NINL: variants seen among roughly 807,000 people sequenced by gnomAD.
The protein encoded by NINL is ninein-like protein.
A neutral mutation model predicts 160.3 loss-of-function variants in NINL; 153 were observed. The ratio of observed to expected loss-of-function variants is 0.95; its 90% CI spans 0.84 to 1.09. The LOEUF (loss-of-function observed/expected upper bound fraction) is 1.09, where lower values mean the gene tolerates loss of function less well. Ranked by LOEUF, NINL falls within the 50% of genes least tolerant of loss-of-function variation. NINL has a pLI of 0.00. For missense variants in NINL, 1,829 were observed against 1,764.0 expected (o/e 1.04, Z -0.66); for synonymous variants, 800 against 734.8 (o/e 1.09, Z -1.43).
intron 1 of NINL, among the ~76,000 whole-genome samples, chr20:25,561,116 C>G (rs367684247): frequency 6.6e-6 from 1 of 150,702 alleles, no homozygotes; most frequent in Non-Finnish European, 1.5e-5. Context: ...GCTGCCATCT[C>G]GGCTCACTGC....
Position 25,500,781 on chromosome 20 carries a change from C to T in NINL, c.1032+59G>A, listed in dbSNP as rs139000286. The T allele has an allele frequency of 2.9e-3, 4,488 of 1,569,292 alleles. 6 individuals carry two copies. Among genetic ancestry groups the T allele is most frequent in the Non-Finnish European group, 3.0e-3 (3,486 of 1,154,336 alleles). On this transcript the variant is annotated intron_variant, in intron 8 of 23. Coordinates refer to ENST00000278886, the MANE Select transcript of NINL (RefSeq NM_025176.6). ...CTTGGGACGCTCCATCCATCCTCCT[C>T]TGCAGCAGACGGGCCCCCCAGGTCC...
At chr20:25,486,617 A>G (rs1441229883) in intron 13 of NINL, among the ~76,000 whole-genome samples, 1 of 119,464 alleles carries the variant, frequency 8.4e-6, no homozygotes, top group African/African-American at 3.2e-5. Flanking sequence ...ACCGCTCATC[A>G]CACATAGGAT....
At chr20:25,534,549 G>A (rs1045901514) in intron 1 of NINL, among the ~76,000 whole-genome samples, 2 of 152,164 alleles carry the variant, frequency 1.3e-5, no homozygotes, top group African/African-American at 2.4e-5. Flanking sequence ...AAGCAGGTTC[G>A]TGTACTGAAC....
chr20:25,485,178 AAGCAGAACTCGGCC>A (rs2063483068), intron 13 of NINL, among the ~76,000 whole-genome samples: 1 of 152,224 alleles, frequency 6.6e-6, no homozygotes, highest in Non-Finnish European at 1.5e-5. Flanking sequence ...GCACTGAGGG[AAGCAGAACTCGGCC>A]AGCAGGTAAC....
chr20:25,481,903 TG>T, intron 14 of NINL, 64 bp downstream of exon 14: 1 of 1,558,846 alleles, frequency 6.4e-7, no homozygotes, highest in Non-Finnish European at 8.6e-7. Context: ...TCTCTTTTCC[TG>T]GCTCTGGGCC....
Position 25,504,910 on chromosome 20 carries a change from C to T in NINL, c.686G>A (p.Gly229Glu), listed in dbSNP as rs1171007621. The change falls in exon 6 of 24, where the codon GGG becomes GAG. Residue 229 changes from glycine to glutamate, a missense_variant. Gly to Glu is a moderately conservative substitution (Grantham distance 98). Transcript: ENST00000278886. ...CACCTCTTTCTCGAGTCCCTGGAGC[C>T]CGACGCTCTGGCAGACCACAGCCAG... ...QELAVVCQSV[G>E]LQGLEKEELE... 6.2e-7 allele frequency: 1 copy of T among 1,611,620 alleles called. No homozygotes were observed. Among genetic ancestry groups the T allele is most frequent in the Non-Finnish European group, 8.5e-7 (1 of 1,179,894 alleles).
At chr20:25,585,214 T>C (rs1455858695) in intron 1 of NINL, among the ~76,000 whole-genome samples, 3 of 152,136 alleles carry the variant, frequency 2.0e-5, no homozygotes, top group African/African-American at 7.2e-5. Context: ...TTTTCAAGCG[T>C]TCGGCCCAGC....
At chr20:25,466,222 A>G (rs1031606228) in intron 19 of NINL, among the ~76,000 whole-genome samples, 1 of 151,772 alleles carries the variant, frequency 6.6e-6, no homozygotes, top group East Asian at 2.0e-4. Flanking sequence ...GGGTTTTGTC[A>G]TGTTGCCCAG....
intron 1 of NINL, among the ~76,000 whole-genome samples, chr20:25,570,169 A>C (rs1485729621): frequency 6.6e-6 from 1 of 152,100 alleles, no homozygotes; most frequent in Non-Finnish European, 1.5e-5. Flanking sequence ...GACAGAGCAA[A>C]ACTCTGTCTC....
intron 2 of NINL, 56 bp downstream of exon 2, chr20:25,526,352 A>C (rs950999807): frequency 6.7e-7 from 1 of 1,483,618 alleles, no homozygotes; most frequent in Non-Finnish European, 9.2e-7. Flanking sequence ...AAATGCCCAT[A>C]AGAGCCAACT....
chr20:25,463,092 T>C (rs1456500515), intron 19 of NINL, among the ~76,000 whole-genome samples: 1 of 152,142 alleles, frequency 6.6e-6, no homozygotes, highest in Admixed American at 6.6e-5. Context: ...CAGCTGGAGA[T>C]GGAGGCATGG....
At chr20:25,480,074 A>G (rs1424112970) in intron 15 of NINL, 87 bp downstream of exon 15, 7 of 914,438 alleles carry the variant, frequency 7.7e-6, no homozygotes, top group Admixed American at 1.8e-5. Flanking sequence ...GGGCAGACGC[A>G]TGTGGAAATG....
intron 14 of NINL, among the ~76,000 whole-genome samples, chr20:25,480,619 C>T (rs186111555): frequency 9.3e-4 from 141 of 152,284 alleles, no homozygotes; most frequent in Non-Finnish European, 3.7e-4. Flanking sequence ...ACAGCAGATG[C>T]CCGGTGGTGC....
chr20:25,462,553 A>G lies in NINL; in HGVS notation c.3424-12T>C, dbSNP rs201135132. On this transcript the variant is annotated splice_polypyrimidine_tract_variant and intron_variant, in intron 19 of 23. Transcript: ENST00000278886. Reference sequence around the variant, plus strand: ...TTGTAGTTCTGATTCTGGGGGAAAAAGTTTTTAAATACATAAGAAAAAAAT... The same window carrying G: ...TTGTAGTTCTGATTCTGGGGGAAAAGGTTTTTAAATACATAAGAAAAAAAT... The G allele has an allele frequency of 1.2e-4, 189 of 1,595,312 alleles. No individual in the cohort carries two copies. The African/African-American group carries it at 2.3e-3, about 19-fold the overall frequency.
intron 6 of NINL, among the ~76,000 whole-genome samples, chr20:25,504,569 G>A (rs867501529): frequency 6.4e-4 from 98 of 152,334 alleles, no homozygotes; most frequent in Middle Eastern, 3.4e-3. Context: ...TCTTGGCTGC[G>A]CAGTGGAACC....
intron 10 of NINL, among the ~76,000 whole-genome samples, chr20:25,495,684 G>A (rs1373817423): frequency 2.0e-5 from 3 of 152,306 alleles, no homozygotes; most frequent in Middle Eastern, 3.4e-3. Flanking sequence ...CCAGGCATGC[G>A]CAAACTTCAG....
At chr20:25,521,081 T>C (rs1313388576) in intron 2 of NINL, among the ~76,000 whole-genome samples, 1 of 152,250 alleles carries the variant, frequency 6.6e-6, no homozygotes, top group African/African-American at 2.4e-5. Flanking sequence ...CAGCATTCAC[T>C]TGTTTCCTCC....
At chr20:25,543,402 T>A (rs1039602221) in intron 1 of NINL, among the ~76,000 whole-genome samples, 4 of 152,140 alleles carry the variant, frequency 2.6e-5, no homozygotes, top group Non-Finnish European at 5.9e-5. Context: ...TATACAAAAC[T>A]TAGCCGGGCT....
chr20:25,563,879 A>C (rs1188339256), intron 1 of NINL, among the ~76,000 whole-genome samples: 1 of 152,196 alleles, frequency 6.6e-6, no homozygotes, highest in East Asian at 1.9e-4. Context: ...GAAAAAGAGA[A>C]GAAGAAGAAA....
Sources: allele counts gnomAD v4.1 joint callset (sites outside exome capture counted in the v4.1 genomes callset), GRCh38; gene constraint gnomAD v4.1.1; transcripts MANE v1.5; gene names NCBI Gene and HGNC (gene_info 2026-07-23, HGNC 2026-07-21).